GPR137C: variants seen among roughly 807,000 people sequenced by gnomAD.
GPR137C encodes G protein-coupled receptor 137C.
Under a neutral mutation model 43.4 loss-of-function variants are expected in GPR137C, and 27 were observed. The ratio of observed to expected loss-of-function variants is 0.62; its 90% CI spans 0.46 to 0.86. The LOEUF (loss-of-function observed/expected upper bound fraction) is 0.86, where lower values mean the gene tolerates loss of function less well. GPR137C is among the 40% of genes least tolerant of loss of function. The pLI, the probability that GPR137C is intolerant of heterozygous loss-of-function variation, is 0.00. For missense variants in GPR137C, 522 were observed against 534.6 expected (o/e 0.98, Z 0.23); for synonymous variants, 285 against 226.9 (o/e 1.26, Z -2.30).
intron 3 of GPR137C, among the ~76,000 whole-genome samples, chr14:52,610,509 T>C (rs2039027337): frequency 6.6e-6 from 1 of 152,158 alleles, no homozygotes; most frequent in Non-Finnish European, 1.5e-5. Flanking sequence ...AATTATTCCA[T>C]TTATTACTAT....
intron 1 of GPR137C, among the ~76,000 whole-genome samples, chr14:52,558,231 G>A (rs1397145815): frequency 6.6e-6 from 1 of 152,186 alleles, no homozygotes; most frequent in East Asian, 1.9e-4. Context: ...TGTTGAAGGT[G>A]TAGGGAGGTG....
At chr14:52,569,744 A>G (rs1286968997) in intron 1 of GPR137C, among the ~76,000 whole-genome samples, 41 of 152,014 alleles carry the variant, frequency 2.7e-4, no homozygotes, top group Admixed American at 2.7e-3. Flanking sequence ...ATTAGAGAAA[A>G]AAGAATGAAA....
At chr14:52,627,705 A>G (rs1325755873) in intron 3 of GPR137C, among the ~76,000 whole-genome samples, 3 of 152,078 alleles carry the variant, frequency 2.0e-5, no homozygotes, top group Non-Finnish European at 4.4e-5. Context: ...TTAGCTGGTC[A>G]TGGTGGCACG....
intron 3 of GPR137C, among the ~76,000 whole-genome samples, chr14:52,608,697 A>G (rs1162761841): frequency 6.6e-6 from 1 of 151,998 alleles, no homozygotes; most frequent in African/African-American, 2.4e-5. Flanking sequence ...TTTGCTAGAT[A>G]GAGTATTCTT....
At chr14:52,609,411 C>T (rs566762773) in intron 3 of GPR137C, among the ~76,000 whole-genome samples, 1 of 152,108 alleles carries the variant, frequency 6.6e-6, no homozygotes, top group Non-Finnish European at 1.5e-5. Flanking sequence ...GTAAGTGGCA[C>T]CTTATTTTAT....
intron 3 of GPR137C, among the ~76,000 whole-genome samples, chr14:52,626,875 A>G (rs1327049173): frequency 6.6e-6 from 1 of 152,138 alleles, no homozygotes; most frequent in Admixed American, 6.5e-5. Context: ...TAGTAGCTCA[A>G]AAAAAAGATA....
rs1335521146 is a variant in GPR137C, at chr14:52,600,121, T to C, written c.497T>C (p.Leu166Pro). Residue 166 changes from leucine to proline, a missense_variant, in exon 3 of 7, where the codon CTG becomes CCG. Leu to Pro is a moderately conservative substitution (Grantham distance 98). This residue lies in a region of GPR137C where 437 missense variants were observed against 425.7 expected (regional missense o/e 1.03). Transcript: ENST00000321662. The part of the protein sequence containing the change: ...ATELDRHKIL[L>P]HLGFIMASLL... ...TACTTTTTTTCTTTCAGAATTCTACTGCATTTGGGCTTTATAATGGCAAGC... is the reference window on the plus strand; with the variant it reads ...TACTTTTTTTCTTTCAGAATTCTACCGCATTTGGGCTTTATAATGGCAAGC... The C allele has an allele frequency of 6.2e-7, 1 of 1,610,952 alleles. No individual in the cohort carries two copies. The highest frequency in any genetic ancestry group is 1.1e-5 in the South Asian group (1 of 90,770).
chr14:52,572,433 C>G (rs1354134579), intron 1 of GPR137C, among the ~76,000 whole-genome samples: 2 of 152,228 alleles, frequency 1.3e-5, no homozygotes, highest in African/African-American at 4.8e-5. Context: ...GAATGCAAGG[C>G]TGGTTCAACA....
At chr14:52,572,490 C>T (rs543107538) in intron 1 of GPR137C, among the ~76,000 whole-genome samples, 4 of 152,262 alleles carry the variant, frequency 2.6e-5, no homozygotes, top group Non-Finnish European at 4.4e-5. Context: ...GAACCAATGA[C>T]CAAAACCACA....
chr14:52,611,323 A>G (rs534384189), intron 3 of GPR137C, among the ~76,000 whole-genome samples: 1 of 151,952 alleles, frequency 6.6e-6, no homozygotes, highest in South Asian at 2.1e-4. Flanking sequence ...GTTTATATTA[A>G]AATGTTATCT....
Position 52,553,016 on chromosome 14 carries a change from C to T in GPR137C, c.-132C>T, listed in dbSNP as rs1251870594. ...CTGCTTTGCGCTGGACTCCGGGTCC[C>T]GTCACGGCGCTTCCTGGGGTTAGAG... On this transcript the variant is annotated 5_prime_UTR_variant, in exon 1 of 7. Transcript: ENST00000321662. The T allele has an allele frequency of 2.1e-5, 7 of 332,772 alleles. No homozygotes were observed. The highest frequency in any genetic ancestry group is 1.4e-4 in the South Asian group (1 of 6,952). The allele number at this position is 332,772 out of a possible 1,614,324, so 20.6% of individuals were successfully genotyped here.
intron 3 of GPR137C, among the ~76,000 whole-genome samples, chr14:52,610,043 G>A (rs1307618139): frequency 2.0e-5 from 3 of 152,056 alleles, no homozygotes; most frequent in African/African-American, 7.2e-5. Context: ...TGCCTAAATT[G>A]CATTTTCTAC....
intron 3 of GPR137C, among the ~76,000 whole-genome samples, chr14:52,621,973 CAA>C (rs1012989562): frequency 1.3e-5 from 2 of 151,516 alleles, no homozygotes; most frequent in African/African-American, 4.8e-5. Flanking sequence ...TTTTATAAAA[CAA>C]AATAATACTG....
intron 1 of GPR137C, among the ~76,000 whole-genome samples, chr14:52,574,442 A>G (rs1336808812): frequency 6.6e-6 from 1 of 152,188 alleles, no homozygotes; most frequent in Non-Finnish European, 1.5e-5. Context: ...GCTGGAAACC[A>G]TCATTCTCAG....
chr14:52,627,922 T>C (rs988570612), intron 3 of GPR137C, among the ~76,000 whole-genome samples: 4 of 152,226 alleles, frequency 2.6e-5, no homozygotes, highest in Non-Finnish European at 1.5e-5. Context: ...AAATATTCTT[T>C]AGCTGTACCA....
At chr14:52,584,891 G>A (rs1437831409) in intron 1 of GPR137C, among the ~76,000 whole-genome samples, 1 of 152,110 alleles carries the variant, frequency 6.6e-6, no homozygotes, top group African/African-American at 2.4e-5. Context: ...ATGAGCCACT[G>A]GATCTGGCCC....
intron 3 of GPR137C, among the ~76,000 whole-genome samples, chr14:52,627,890 A>G (rs2039247674): frequency 6.6e-6 from 1 of 152,182 alleles, no homozygotes; most frequent in Admixed American, 6.5e-5. Context: ...GTGCTTTCCT[A>G]TGGAATTTTC....
At chr14:52,569,057 G>T (rs938342303) in intron 1 of GPR137C, among the ~76,000 whole-genome samples, 11 of 152,184 alleles carry the variant, frequency 7.2e-5, no homozygotes, top group African/African-American at 2.7e-4. Context: ...GCTCCGGCTG[G>T]CATCTGATGG....
In GPR137C at chr14:52,566,545, A is replaced by T. The variant is rs565803030; in HGVS notation, c.444+12954A>T. On this transcript the variant is annotated intron_variant, in intron 1 of 6. Transcript: ENST00000321662. Reference sequence around the variant, plus strand: ...TTAAGTGCCCAATTGGCATTTTTTTAAAAAATCTATTCTGAAAAGAATGGG... The same window carrying T: ...TTAAGTGCCCAATTGGCATTTTTTTTAAAAATCTATTCTGAAAAGAATGGG... Among the ~76,000 whole-genome samples the T allele has an allele frequency of 3.0e-3, 456 of 152,300 alleles. 3 individuals are homozygous for T. Among genetic ancestry groups the T allele is most frequent in the Middle Eastern group, 6.8e-3 (2 of 294 alleles).
Sources: gnomAD v4.1 joint callset for allele counts (sites outside exome capture counted in the v4.1 genomes callset) on GRCh38, gnomAD v4.1.1 for gene constraint, gnomAD v4.1.1 regional missense constraint, MANE v1.5 for transcripts, NCBI Gene and HGNC (gene_info 2026-07-23, HGNC 2026-07-21) for gene names.